ZFY: variants seen among roughly 807,000 people sequenced by gnomAD.
The protein encoded by ZFY is zinc finger Y-chromosomal protein.
For missense variants in ZFY, 113 were observed against 170.9 expected (o/e 0.66, Z 1.89); for synonymous variants, 47 against 55.8 (o/e 0.84, Z 0.71).
At chrY:2,967,743 T>G in intron 3 of ZFY, among the ~76,000 whole-genome samples, 1 of 30,840 alleles carries the variant, frequency 3.2e-5, no homozygotes, top group Non-Finnish European at 7.8e-5. Flanking sequence ...GTTTGTATTT[T>G]CAGTAGAGAT....
chrY:2,978,662 A>G (rs2051386316), intron 7 of ZFY, 148 bp from the exon 8 acceptor site: 2 of 214,094 alleles, frequency 9.3e-6, no homozygotes, highest in Non-Finnish European at 1.5e-5. Context: ...GGACATTATT[A>G]TAACTCTTAA....
intron 1 of ZFY, among the ~76,000 whole-genome samples, chrY:2,943,823 G>T (rs2051253178): frequency 5.9e-5 from 2 of 33,890 alleles, no homozygotes; most frequent in African/African-American, 1.2e-4. Flanking sequence ...TGACTTGAAA[G>T]AATATTCTAG....
chrY:2,976,186 T>G (rs2051369704), intron 5 of ZFY, among the ~76,000 whole-genome samples: 1 of 28,564 alleles, frequency 3.5e-5, no homozygotes, highest in Non-Finnish European at 8.3e-5. Context: ...CTCCGCTCAC[T>G]GCAGCTTCCA....
intron 1 of ZFY, among the ~76,000 whole-genome samples, chrY:2,953,349 A>AG (rs2051284027): frequency 3.2e-5 from 1 of 31,682 alleles, no homozygotes; most frequent in Non-Finnish European, 7.6e-5. Flanking sequence ...AAAAAAAAAA[A>AG]AAAATCATGG....
intron 1 of ZFY, among the ~76,000 whole-genome samples, chrY:2,950,824 G>A: frequency 3.0e-5 from 1 of 33,398 alleles, no homozygotes; most frequent in Non-Finnish European, 7.4e-5. Context: ...TGTAGGTGTT[G>A]TGCTGAATAG....
intron 1 of ZFY, among the ~76,000 whole-genome samples, 160 bp downstream of exon 1, chrY:2,935,929 G>GA (rs2051213913): frequency 2.9e-5 from 1 of 34,310 alleles, no homozygotes; most frequent in Non-Finnish European, 7.4e-5. Context: ...GCGGTATCTG[G>GA]AAAAAAAATT....
chrY:2,951,982 G>A, intron 1 of ZFY, among the ~76,000 whole-genome samples: 2 of 28,479 alleles, frequency 7.0e-5, no homozygotes, highest in Non-Finnish European at 1.7e-4. Context: ...GCAGTGGCAC[G>A]ATCTCGGCCC....
rs774210242 is a variant in ZFY, at chrY:2,958,152, C to T, written c.62-2922C>T. Among the ~76,000 whole-genome samples, 5 of 34,082 alleles carry T rather than the reference C, an allele frequency of 1.5e-4. No individual in the cohort carries two copies. The East Asian group carries it at 3.8e-3, about 26-fold the overall frequency. 91.4% of individuals were successfully genotyped at this position (34,082 alleles called of 37,273 possible). A position where few individuals can be genotyped will look rare whatever the true frequency, so the allele number is the denominator to read the frequency against. On this transcript the variant is annotated intron_variant, in intron 2 of 7. Coordinates refer to ENST00000155093, the MANE Select transcript of ZFY (RefSeq NM_003411.4). ...CCTCTGCTTTTAAGTTTTATCTGAG[C>T]GGATTGTGCTTAACAAATTATTCTT... is the stretch of plus-strand genomic sequence containing the variant.
intron 1 of ZFY, among the ~76,000 whole-genome samples, chrY:2,944,178 T>A: frequency 3.0e-5 from 1 of 33,153 alleles, no homozygotes; most frequent in Non-Finnish European, 7.4e-5. Flanking sequence ...ATAACGATTT[T>A]TTTTGCATTT....
intron 2 of ZFY, among the ~76,000 whole-genome samples, chrY:2,956,411 C>T: frequency 3.0e-5 from 1 of 33,481 alleles, no homozygotes; most frequent in African/African-American, 1.2e-4. Context: ...TCAGTGGGAG[C>T]CCTGAGCTTG....
intron 1 of ZFY, among the ~76,000 whole-genome samples, chrY:2,946,297 G>A: frequency 3.0e-5 from 1 of 32,837 alleles, no homozygotes; most frequent in Non-Finnish European, 7.5e-5. Flanking sequence ...TCATTTCCAG[G>A]TGTGTTTAAT....
At chrY:2,950,682 T>C in intron 1 of ZFY, among the ~76,000 whole-genome samples, 1 of 33,697 alleles carries the variant, frequency 3.0e-5, no homozygotes, top group Non-Finnish European at 7.4e-5. Flanking sequence ...AAATGTGTTG[T>C]TGAAGAATGA....
Position 2,980,744 on chromosome Y carries a change from A to G in ZFY, c.*751A>G. ...CTGAATTTTGGAGTCTTTTAGAGGT[A>G]AATTGTGGACTCAGGATTTTTTGAA... On this transcript the variant is annotated 3_prime_UTR_variant, in exon 8 of 8. Coordinates refer to ENST00000155093, the MANE Select transcript of ZFY (RefSeq NM_003411.4). 6.0e-5 allele frequency: 2 copies of G among 33,582 alleles called. No individual in the cohort carries two copies. The highest frequency in any genetic ancestry group is 2.3e-4 in the African/African-American group (2 of 8,599). The allele number at this position is 33,582 out of a possible 400,897, so 8.4% of individuals were successfully genotyped here.
intron 1 of ZFY, among the ~76,000 whole-genome samples, chrY:2,950,363 A>C: frequency 3.0e-5 from 1 of 33,276 alleles, no homozygotes; most frequent in Non-Finnish European, 7.4e-5. Flanking sequence ...ATTATTTTTC[A>C]GAGTGGATCC....
At chrY:2,951,363 A>G (rs2051277979) in intron 1 of ZFY, among the ~76,000 whole-genome samples, 1 of 33,420 alleles carries the variant, frequency 3.0e-5, no homozygotes, top group African/African-American at 1.2e-4. Context: ...CCTTCTTATA[A>G]TAGGTTTCCT....
chrY:2,971,696 A>T, intron 3 of ZFY, among the ~76,000 whole-genome samples: 1 of 33,503 alleles, frequency 3.0e-5, no homozygotes, highest in Non-Finnish European at 7.3e-5. Context: ...AAAATGAATC[A>T]ATTTTAATAA....
chrY:2,964,964 G>A (rs2051321726), intron 3 of ZFY, among the ~76,000 whole-genome samples: 1 of 32,758 alleles, frequency 3.1e-5, no homozygotes, highest in African/African-American at 1.2e-4. Context: ...AGGAGATCAC[G>A]ATTGCAGTGA....
At chrY:2,959,574 A>G (rs2051302606) in intron 2 of ZFY, among the ~76,000 whole-genome samples, 1 of 34,373 alleles carries the variant, frequency 2.9e-5, no homozygotes, top group Non-Finnish European at 7.3e-5. Context: ...GTCTATTATT[A>G]TGAACATAGA....
intron 3 of ZFY, among the ~76,000 whole-genome samples, chrY:2,967,303 A>G: frequency 6.1e-5 from 2 of 33,016 alleles, no homozygotes; most frequent in Non-Finnish European, 1.5e-4. Flanking sequence ...GTGTTCGTGG[A>G]TAGTGTTGTG....
Sources: allele counts gnomAD v4.1 joint callset (sites outside exome capture counted in the v4.1 genomes callset), GRCh38; gene constraint gnomAD v4.1.1; transcripts MANE v1.5; gene names NCBI Gene and HGNC (gene_info 2026-07-23, HGNC 2026-07-21).